Variants in SPOCK1 observed in about 807,000 individuals in gnomAD.
The protein encoded by SPOCK1 is testican-1.
In SPOCK1, 23 loss-of-function variants were observed where a neutral mutation model predicts 55.3. The ratio of observed to expected loss-of-function variants is 0.42; its 90% CI spans 0.30 to 0.59. The LOEUF is 0.59. SPOCK1 is among the 20% of genes least tolerant of loss of function. The pLI is 0.22. For synonymous variants in SPOCK1, 226 were observed against 221.0 expected (o/e 1.02, Z -0.20); for missense variants, 499 against 552.5 (o/e 0.90, Z 0.97).
At chr5:137,214,173 T>C (rs1755669640) in intron 3 of SPOCK1, among the ~76,000 whole-genome samples, 1 of 152,222 alleles carries the variant, frequency 6.6e-6, no homozygotes, top group Admixed American at 6.5e-5. Context: ...AGACATTGTA[T>C]TATCTCAACT....
intron 3 of SPOCK1, among the ~76,000 whole-genome samples, chr5:137,257,207 T>A (rs1391448418): frequency 6.6e-6 from 1 of 152,216 alleles, no homozygotes; most frequent in Non-Finnish European, 1.5e-5. Context: ...CCTACTAAAG[T>A]AATGACTGAC....
intron 2 of SPOCK1, among the ~76,000 whole-genome samples, chr5:137,333,125 T>C (rs1001271572): frequency 3.3e-5 from 5 of 152,126 alleles, no homozygotes; most frequent in African/African-American, 1.2e-4. Context: ...CATGCTCAGG[T>C]GATTCTGATG....
At chr5:137,134,387 T>G (rs1047510442) in intron 4 of SPOCK1, among the ~76,000 whole-genome samples, 2 of 152,160 alleles carry the variant, frequency 1.3e-5, no homozygotes, top group Non-Finnish European at 2.9e-5. Flanking sequence ...ATGACTACTC[T>G]GAAGAGGGAA....
At chr5:137,494,827 G>C (rs941648608) in intron 2 of SPOCK1, among the ~76,000 whole-genome samples, 7 of 152,200 alleles carry the variant, frequency 4.6e-5, no homozygotes, top group Non-Finnish European at 8.8e-5. Flanking sequence ...CAAATGAACA[G>C]AGGAAAATTT....
At chr5:137,482,610 C>T (rs1422286889) in intron 2 of SPOCK1, among the ~76,000 whole-genome samples, 1 of 152,170 alleles carries the variant, frequency 6.6e-6, no homozygotes, top group African/African-American at 2.4e-5. Context: ...ACATGCTCCC[C>T]AATACCCAGC....
intron 4 of SPOCK1, among the ~76,000 whole-genome samples, chr5:137,134,502 GAGCTTAATGGAGAACCCCAA>G (rs538522772): frequency 1.8e-3 from 271 of 152,320 alleles, no homozygotes; most frequent in African/African-American, 6.2e-3. Flanking sequence ...AAGATCCTCT[GAGCTTAATGGAGAACCCCAA>G]AGCAATGCAT....
chr5:137,293,089 A>ATTTTTT (rs531537488), intron 2 of SPOCK1, among the ~76,000 whole-genome samples: 56 of 100,812 alleles, frequency 5.6e-4, no homozygotes, highest in African/African-American at 1.4e-3. Flanking sequence ...GGTTTGTTGA[A>ATTTTTT]TTTTTTTTTT....
intron 5 of SPOCK1, among the ~76,000 whole-genome samples, chr5:137,081,719 C>T (rs1424276140): frequency 1.3e-5 from 2 of 152,182 alleles, no homozygotes; most frequent in African/African-American, 4.8e-5. Context: ...TTAAATGAAA[C>T]AGTAACTTAA....
At chr5:137,259,688 T>TAAAAA (rs61576266) in intron 3 of SPOCK1, among the ~76,000 whole-genome samples, 6 of 130,234 alleles carry the variant, frequency 4.6e-5, no homozygotes, top group East Asian at 2.2e-4. Context: ...CACATGAAAG[T>TAAAAA]AAAAAAAAAA....
At chr5:137,184,137 A>C (rs2127066002) in intron 3 of SPOCK1, among the ~76,000 whole-genome samples, 1 of 152,338 alleles carries the variant, frequency 6.6e-6, no homozygotes, top group Non-Finnish European at 1.5e-5. Context: ...TTTTAAGTGT[A>C]GTTTTGCTTT....
Position 137,202,476 on chromosome 5 carries a change from A to C in SPOCK1, c.233-61782T>G, listed in dbSNP as rs181490035. Among the ~76,000 whole-genome samples the C allele has an allele frequency of 4.0e-3, 603 of 152,316 alleles. 3 individuals carry two copies. Among genetic ancestry groups the C allele is most frequent in the African/African-American group, 9.7e-3 (404 of 41,578 alleles). The stretch of plus-strand genomic sequence containing the variant: ...TCCACTCCATTTGAGACCTGGTTTT[A>C]TCCATCCTGATATAGTTGTATGCAG... On this transcript the variant is annotated intron_variant, in intron 3 of 10. Transcript: ENST00000394945.
chr5:137,079,533 TC>T (rs59775905), intron 5 of SPOCK1, among the ~76,000 whole-genome samples: 4,665 of 38,602 alleles, frequency 0.12, 267 homozygotes, highest in African/African-American at 0.15. Flanking sequence ...CCCATCTGAT[TC>T]CCCCCCCCCC....
intron 3 of SPOCK1, among the ~76,000 whole-genome samples, chr5:137,162,741 C>G (rs1261398454): frequency 6.6e-6 from 1 of 152,078 alleles, no homozygotes; most frequent in Non-Finnish European, 1.5e-5. Flanking sequence ...CTGGGAGAAG[C>G]TATTGTTTAA....
At position 137,013,069 on chromosome 5, in the gene SPOCK1, CAG is replaced by C. The variant is rs751587702; in HGVS notation, c.590-20471_590-20470del. Reference sequence around the variant, plus strand: ...TGAGTTGGAGGGAGAAAGAGAGACACAGAGAGAGAGACAGGGGAAGGTATATA... The same window carrying C: ...TGAGTTGGAGGGAGAAAGAGAGACACAGAGAGAGACAGGGGAAGGTATATA... On this transcript the variant is annotated intron_variant, in intron 6 of 10. Coordinates refer to ENST00000394945, the MANE Select transcript of SPOCK1 (RefSeq NM_004598.4). 3.9e-5 allele frequency among the ~76,000 whole-genome samples: 6 copies of C among 152,134 alleles called. No homozygotes were observed. The South Asian group carries it at 1.0e-3, about 26-fold the overall frequency.
intron 2 of SPOCK1, among the ~76,000 whole-genome samples, chr5:137,376,100 C>T (rs534299914): frequency 7.2e-5 from 11 of 152,204 alleles, no homozygotes; most frequent in Non-Finnish European, 1.6e-4. Context: ...GCCAACAGCC[C>T]ACCAGGCTTT....
intron 2 of SPOCK1, among the ~76,000 whole-genome samples, chr5:137,336,961 C>A (rs1302561240): frequency 6.6e-6 from 1 of 152,102 alleles, no homozygotes; most frequent in Admixed American, 6.6e-5. Context: ...AATGATTCAC[C>A]CAGTGGAGGT....
At chr5:137,381,990 G>GT (rs1751481407) in intron 2 of SPOCK1, among the ~76,000 whole-genome samples, 1 of 152,140 alleles carries the variant, frequency 6.6e-6, no homozygotes, top group African/African-American at 2.4e-5. Context: ...TCCAGTTTCA[G>GT]ATAATCTCTT....
chr5:137,383,950 C>A (rs544568788), intron 2 of SPOCK1, among the ~76,000 whole-genome samples: 2 of 152,346 alleles, frequency 1.3e-5, no homozygotes, highest in South Asian at 4.1e-4. Context: ...ACAAAAGGCA[C>A]ACACTGTTTT....
intron 2 of SPOCK1, among the ~76,000 whole-genome samples, chr5:137,421,088 T>G (rs1418244678): frequency 6.6e-6 from 1 of 152,264 alleles, no homozygotes; most frequent in Admixed American, 6.5e-5. Flanking sequence ...TTGTTCAGTT[T>G]CCATGTAGTT....
Sources: gnomAD v4.1 joint callset for allele counts (sites outside exome capture counted in the v4.1 genomes callset) on GRCh38, gnomAD v4.1.1 for gene constraint, MANE v1.5 for transcripts, NCBI Gene and HGNC (gene_info 2026-07-23, HGNC 2026-07-21) for gene names.